The following SHPRH variants were observed in gnomAD, a reference collection of about 807,000 sequenced individuals.
The protein encoded by SHPRH is E3 ubiquitin-protein ligase SHPRH.
In SHPRH, 106 loss-of-function variants were observed where a neutral mutation model predicts 202.5. That is an observed-to-expected ratio of 0.52 (90% CI 0.45 to 0.62). The LOEUF is 0.62. Ranked by LOEUF, SHPRH falls within the 20% of genes least tolerant of loss-of-function variation. SHPRH has a pLI of 0.00. For missense variants in SHPRH, 1,710 were observed against 2,020.0 expected, an observed-to-expected ratio of 0.85 and a Z score of 2.94; for synonymous variants, 729 against 686.0, an observed-to-expected ratio of 1.06 and a Z score of -0.98.
At chr6:145,934,842 G>A (rs779371673) in intron 13 of SHPRH, 65 bp downstream of exon 13, 88 of 1,455,278 alleles carry the variant, frequency 6.0e-5, no homozygotes, top group Middle Eastern at 3.7e-4. Context: ...GAATGAAACC[G>A]TGGGCCTGAA....
chr6:145,886,427 A>G lies in SHPRH; in HGVS notation c.*264T>C, dbSNP rs1062067. ...TTACCTCTCTTAATTCCCTTGCATC[A>G]TCAGATATAGATACTATTTGGGACA... On this transcript the variant is annotated 3_prime_UTR_variant, in exon 30 of 30. Transcript: ENST00000275233. 305,394 of 767,502 alleles carry G rather than the reference A, an allele frequency of 0.4. 63,596 individuals carry two copies. Among genetic ancestry groups the G allele is most frequent in the South Asian group, 0.48 (33,890 of 70,032 alleles). The allele number at this position is 767,502 out of a possible 1,614,324, so 47.5% of individuals were successfully genotyped here. A position where few individuals can be genotyped will look rare whatever the true frequency, so the allele number is the denominator to read the frequency against.
chr6:145,893,914 T>C (rs1264211498), intron 27 of SHPRH, among the ~76,000 whole-genome samples: 1 of 140,482 alleles, frequency 7.1e-6, no homozygotes, highest in Non-Finnish European at 1.6e-5. Context: ...TTTCCTGTAC[T>C]AAAAAAAAAA....
At chr6:145,910,229 A>T (rs1783372716) in intron 25 of SHPRH, 1 of 513,390 alleles carries the variant, frequency 1.9e-6, no homozygotes, top group Non-Finnish European at 3.5e-6. Flanking sequence ...AGTGTACATG[A>T]CTATCGCTAA....
intron 7 of SHPRH, 104 bp from the exon 8 acceptor site, chr6:145,945,741 TAA>T (rs1562360155): frequency 8.0e-7 from 1 of 1,247,470 alleles, no homozygotes; most frequent in African/African-American, 1.5e-5. Context: ...AAGAAAGAAA[TAA>T]ATCAAAGATT....
Position 145,879,678 on chromosome 6 carries a change from A to G in SHPRH, c.221+8342T>C, listed in dbSNP as rs1021347663. ...GTAATCCCAGCACTTTGGGAGGCCAAGGCAGGTGGATCTCCTGAGGTCAGG... is the reference window on the plus strand; with the variant it reads ...GTAATCCCAGCACTTTGGGAGGCCAGGGCAGGTGGATCTCCTGAGGTCAGG... On this transcript the variant is annotated intron_variant, in intron 2 of 2. Transcript: ENST00000417762. 2.0e-5 allele frequency among the ~76,000 whole-genome samples: 3 copies of G among 152,148 alleles called. No individual in the cohort carries two copies. The South Asian group carries it at 6.2e-4, about 32-fold the overall frequency.
chr6:145,873,195 TA>T (rs113713830), intron 2 of SHPRH, among the ~76,000 whole-genome samples: 10 of 149,600 alleles, frequency 6.7e-5, no homozygotes, highest in Admixed American at 2.7e-4. Context: ...AAGTTGGAAA[TA>T]AAAAAAAAAG....
chr6:145,890,490 C>T (rs1367982698), intron 28 of SHPRH, among the ~76,000 whole-genome samples: 2 of 152,078 alleles, frequency 1.3e-5, no homozygotes, highest in African/African-American at 4.8e-5. Context: ...ACATTTTTCA[C>T]TTGGTTCCTA....
intron 1 of SHPRH, among the ~76,000 whole-genome samples, chr6:145,958,913 A>T (rs1050681644): frequency 3.4e-4 from 52 of 152,204 alleles, no homozygotes; most frequent in African/African-American, 1.1e-3. Flanking sequence ...GCTCACTGCA[A>T]GCTCCACCTC....
intron 14 of SHPRH, among the ~76,000 whole-genome samples, chr6:145,931,231 C>T (rs1213667039): frequency 6.6e-6 from 1 of 152,050 alleles, no homozygotes; most frequent in African/African-American, 2.4e-5. Flanking sequence ...TTTCAGTTTA[C>T]GTGATCACTG....
chr6:145,884,718 T>C (rs944202113), downstream of SHPRH: 3 of 152,162 alleles, frequency 2.0e-5, no homozygotes, highest in African/African-American at 7.2e-5. Context: ...TGGGATTCTA[T>C]AGTATTAGCC....
chr6:145,905,884 A>G (rs1782917317), intron 25 of SHPRH: 1 of 151,582 alleles, frequency 6.6e-6, no homozygotes, highest in Non-Finnish European at 1.5e-5. Flanking sequence ...CTGCTTGTTT[A>G]CCCTCTAATT....
At chr6:145,879,735 A>AC (rs1172966538) in intron 2 of SHPRH, among the ~76,000 whole-genome samples, 5 of 151,992 alleles carry the variant, frequency 3.3e-5, no homozygotes, top group African/African-American at 1.2e-4. Flanking sequence ...ACATGGTGAA[A>AC]CCCCGTGTTT....
intron 13 of SHPRH, among the ~76,000 whole-genome samples, chr6:145,934,657 C>T (rs1293828813): frequency 6.6e-6 from 1 of 150,468 alleles, no homozygotes; most frequent in Non-Finnish European, 1.5e-5. Flanking sequence ...AGTGAGACCC[C>T]GTCTCAAAAC....
At chr6:145,912,923 G>A (rs1224551675) in intron 24 of SHPRH, among the ~76,000 whole-genome samples, 1 of 151,990 alleles carries the variant, frequency 6.6e-6, no homozygotes, top group East Asian at 1.9e-4. Context: ...TCCTAGAGGA[G>A]AATATGGTTC....
intron 23 of SHPRH, among the ~76,000 whole-genome samples, chr6:145,915,650 C>T (rs1312546082): frequency 6.6e-6 from 1 of 151,916 alleles, no homozygotes; most frequent in African/African-American, 2.4e-5. Flanking sequence ...AATACCGAAA[C>T]ATCTTTAAAG....
rs562321405 is a variant in SHPRH at position 145,931,065 on chromosome 6, C to T, written c.3112+1992G>A. 2.0e-5 allele frequency among the ~76,000 whole-genome samples: 3 copies of T among 152,142 alleles called. No individual in the cohort carries two copies. In the South Asian group the frequency reaches 6.2e-4, roughly 32 times the overall value. ...CTTGATAGAAATATAGTGGCTTTAT[C>T]GTTCTTTTGATTAGTGTTAACATAT... On this transcript the variant is annotated intron_variant, in intron 14 of 29. Transcript: ENST00000275233.
downstream of SHPRH, among the ~76,000 whole-genome samples, chr6:145,882,845 T>G (rs1033785575): frequency 2.6e-5 from 4 of 152,116 alleles, no homozygotes; most frequent in African/African-American, 9.7e-5. Context: ...AATAATAAAA[T>G]ATGCAGAAAC....
intron 8 of SHPRH, among the ~76,000 whole-genome samples, chr6:145,944,191 A>G (rs1000996090): frequency 6.6e-6 from 1 of 152,200 alleles, no homozygotes; most frequent in Non-Finnish European, 1.5e-5. Context: ...ATCCAAAGAA[A>G]GTAAAAGATA....
rs756563508 is a variant in SHPRH at position 145,941,662 on chromosome 6, G to A, written c.2451C>T (p.Cys817=). ...PLVAVEWWRI[C]LDEAQMVECP... ...ACTCAACCATCTGAGCTTCATCAAG[G>A]CAGATCCTCCACCACTCCACAGCTA... The change falls in exon 10 of 30, where the codon TGC becomes TGT. Residue 817 remains cysteine (C), a synonymous_variant. Transcript: ENST00000275233. The A allele has an allele frequency of 5.6e-5, 90 of 1,613,960 alleles. No individual in the cohort carries two copies. In the East Asian group the frequency reaches 9.4e-4, roughly 17 times the overall value.
Sources: gnomAD v4.1 joint callset for allele counts (sites outside exome capture counted in the v4.1 genomes callset) on GRCh38, gnomAD v4.1.1 for gene constraint, MANE v1.5 for transcripts, NCBI Gene and HGNC (gene_info 2026-07-23, HGNC 2026-07-21) for gene names.